TYW1B: variants seen among roughly 807,000 people sequenced by gnomAD.
TYW1B encodes the protein S-adenosyl-L-methionine-dependent tRNA 4-demethylwyosine synthase TYW1B.
A neutral mutation model predicts 86.9 loss-of-function variants in TYW1B; 73 were observed. The ratio of observed to expected loss-of-function variants is 0.84; its 90% CI spans 0.70 to 1.02. TYW1B has a LOEUF of 1.02. Among genes scored for constraint, TYW1B ranks in the 50% least tolerant of loss-of-function variants. The pLI, the probability that TYW1B is intolerant of heterozygous loss-of-function variation, is 0.00. For missense variants in TYW1B, 637 were observed against 827.4 expected, an observed-to-expected ratio of 0.77 and a Z score of 2.82; for synonymous variants, 248 against 292.8, an observed-to-expected ratio of 0.85 and a Z score of 1.56.
intron 9 of TYW1B, among the ~76,000 whole-genome samples, chr7:72,716,634 T>TTGC (rs1316671760): frequency 6.6e-6 from 1 of 151,050 alleles, no homozygotes; most frequent in South Asian, 2.1e-4. Flanking sequence ...GCTGTGGCTG[T>TTGC]TGTTGTTGTT....
intron 11 of TYW1B, among the ~76,000 whole-genome samples, chr7:72,658,594 A>G (rs1381276191): frequency 6.6e-6 from 1 of 152,242 alleles, no homozygotes. Flanking sequence ...ATTTTATGAG[A>G]GCAAATTTGA....
At chr7:72,679,947 C>A (rs529331816) in intron 11 of TYW1B, among the ~76,000 whole-genome samples, 1 of 152,268 alleles carries the variant, frequency 6.6e-6, no homozygotes, top group African/African-American at 2.4e-5. Flanking sequence ...CTGAGCAACA[C>A]AGTGAGACCG....
intron 6 of TYW1B, among the ~76,000 whole-genome samples, chr7:72,797,722 C>T (rs1243285101): frequency 2.6e-5 from 4 of 152,054 alleles, no homozygotes; most frequent in Non-Finnish European, 5.9e-5. Flanking sequence ...GTCTCAAAAA[C>T]ATCAAAAAAC....
chr7:72,826,785 C>CT (rs1237587921), intron 2 of TYW1B, 70 bp downstream of exon 2: 24 of 1,544,310 alleles, frequency 1.6e-5, no homozygotes, highest in Non-Finnish European at 2.0e-5. Context: ...TTAAAGGTTC[C>CT]TTTTAGTGTT....
At chr7:72,802,550 T>C (rs1375221029) in intron 5 of TYW1B, 28 bp from the exon 6 acceptor site, 3 of 1,613,294 alleles carry the variant, frequency 1.9e-6, no homozygotes, top group East Asian at 2.2e-5. Context: ...CAGAAATACA[T>C]TGTTCAAAGG....
At chr7:72,619,663 A>AG (rs1469414399) in intron 12 of TYW1B, among the ~76,000 whole-genome samples, 5 of 151,972 alleles carry the variant, frequency 3.3e-5, no homozygotes, top group Admixed American at 1.3e-4. Flanking sequence ...AAAAAAAAAA[A>AG]AAAGAAATCA....
At chr7:72,603,092 T>TGGATG (rs562849384) in intron 13 of TYW1B, among the ~76,000 whole-genome samples, 1 of 147,000 alleles carries the variant, frequency 6.8e-6, no homozygotes, top group African/African-American at 2.5e-5. Flanking sequence ...GACAGACAGA[T>TGGATG]GATGGATGGA....
intron 8 of TYW1B, among the ~76,000 whole-genome samples, chr7:72,739,709 C>G (rs1585944724): frequency 6.8e-6 from 1 of 146,612 alleles, no homozygotes; most frequent in Non-Finnish European, 1.5e-5. Context: ...AAACAATACA[C>G]AGCTGAATGC....
chr7:72,602,734 T>C (rs1186284439), intron 13 of TYW1B, among the ~76,000 whole-genome samples: 1 of 152,032 alleles, frequency 6.6e-6, no homozygotes, highest in African/African-American at 2.4e-5. Context: ...CACACTATCA[T>C]AAAGTCAAAA....
At chr7:72,599,622 GT>G (rs1353297065) in intron 13 of TYW1B, among the ~76,000 whole-genome samples, 4 of 152,094 alleles carry the variant, frequency 2.6e-5, no homozygotes, top group Non-Finnish European at 5.9e-5. Context: ...GATTATACAT[GT>G]AGAAGATCCC....
chr7:72,603,504 A>G (rs1182885612), intron 13 of TYW1B, among the ~76,000 whole-genome samples: 2 of 152,240 alleles, frequency 1.3e-5, no homozygotes, highest in African/African-American at 4.8e-5. Flanking sequence ...AATAACTTAC[A>G]TAGATACTCT....
At chr7:72,606,607 G>GC (rs782240914) in intron 13 of TYW1B, among the ~76,000 whole-genome samples, 1,094 of 56,884 alleles carry the variant, frequency 0.019, 7 homozygotes, top group East Asian at 0.048. Flanking sequence ...CAGCAATAAG[G>GC]CCCCCCCCCC....
intron 13 of TYW1B, among the ~76,000 whole-genome samples, chr7:72,603,129 G>A (rs566709504): frequency 2.9e-4 from 44 of 150,370 alleles, no homozygotes; most frequent in Non-Finnish European, 6.1e-4. Flanking sequence ...TGGATGGATG[G>A]ATGGATAGAT....
intron 7 of TYW1B, among the ~76,000 whole-genome samples, chr7:72,753,743 T>C (rs534892703): frequency 6.6e-6 from 1 of 152,234 alleles, no homozygotes; most frequent in African/African-American, 2.4e-5. Context: ...CCTCCCAAAG[T>C]GCTGAGATTA....
chr7:72,735,588 G>T (rs1396291668), intron 8 of TYW1B, among the ~76,000 whole-genome samples: 1 of 136,964 alleles, frequency 7.3e-6, no homozygotes, highest in African/African-American at 2.8e-5. Flanking sequence ...AAAAAAAAAA[G>T]GCCGAGTGCA....
chr7:72,669,530 C>T (rs1313228701), intron 11 of TYW1B, among the ~76,000 whole-genome samples: 17 of 151,988 alleles, frequency 1.1e-4, no homozygotes, highest in Admixed American at 9.2e-4. Context: ...CTTTGGGAGG[C>T]CTAGGTGGGC....
chr7:72,582,956 C>T (rs1176611282), intron 13 of TYW1B, among the ~76,000 whole-genome samples: 1 of 152,066 alleles, frequency 6.6e-6, no homozygotes, highest in African/African-American at 2.4e-5. Context: ...CAAAAAAAAT[C>T]ATCTAAACAA....
At chr7:72,648,628 A>C (rs1303010221) in intron 11 of TYW1B, among the ~76,000 whole-genome samples, 3 of 152,112 alleles carry the variant, frequency 2.0e-5, no homozygotes, top group Non-Finnish European at 4.4e-5. Flanking sequence ...AGTTCAGTAG[A>C]ACCTAAGAAG....
intron 11 of TYW1B, among the ~76,000 whole-genome samples, chr7:72,651,367 C>T (rs782605165): frequency 1.1e-4 from 16 of 152,196 alleles, no homozygotes; most frequent in Non-Finnish European, 2.4e-4. Flanking sequence ...CCTGTAATCC[C>T]AGCACTCTGG....
Sources: gnomAD v4.1 joint callset for allele counts (sites outside exome capture counted in the v4.1 genomes callset) on GRCh38, gnomAD v4.1.1 for gene constraint, MANE v1.5 for transcripts, NCBI Gene and HGNC (gene_info 2026-07-23, HGNC 2026-07-21) for gene names.